TMEM25: variants seen among roughly 807,000 people sequenced by gnomAD.
TMEM25 encodes transmembrane protein 25, also known as 0610039J01Rik.
In TMEM25, 36 loss-of-function variants were observed where a neutral mutation model predicts 37.0. That is an observed-to-expected ratio of 0.97 (90% CI 0.75 to 1.28). TMEM25 has a LOEUF of 1.28. Ranked by LOEUF, TMEM25 falls within the 50% of genes most tolerant of loss-of-function variation. TMEM25 has a pLI of 0.00. For synonymous variants in TMEM25, 197 were observed against 203.7 expected, an observed-to-expected ratio of 0.97 and a Z score of 0.28; for missense variants, 444 against 477.9, an observed-to-expected ratio of 0.93 and a Z score of 0.66.
At chr11:118,545,547 G>A in intron 8 of TMEM25, 1 of 1,456,100 alleles carries the variant, frequency 6.9e-7, no homozygotes. Flanking sequence ...CCGGGAATTA[G>A]AGGCCCTTCT....
chr11:118,546,615 G>A (rs1419643403), downstream of TMEM25: 1 of 159,712 alleles, frequency 6.3e-6, no homozygotes, highest in South Asian at 1.8e-4. Flanking sequence ...CTCAGTCTAT[G>A]GTACTTTGTT....
At chr11:118,543,900 G>T (rs922943258) in intron 8 of TMEM25, among the ~76,000 whole-genome samples, 1 of 151,392 alleles carries the variant, frequency 6.6e-6, no homozygotes, top group Non-Finnish European at 1.5e-5. Flanking sequence ...TCCACCTCAC[G>T]GATTCAAGTG....
At chr11:118,531,275 G>A (rs1290024064) in intron 1 of TMEM25, 41 bp downstream of exon 1, 2 of 361,924 alleles carry the variant, frequency 5.5e-6, no homozygotes, top group Admixed American at 5.1e-5. Flanking sequence ...CGGGATGCTC[G>A]GCGACCCCAC....
intron 8 of TMEM25, chr11:118,545,385 G>A (rs1555066818): frequency 6.5e-7 from 1 of 1,535,106 alleles, no homozygotes; most frequent in African/African-American, 1.4e-5. Context: ...TACAGCTTAA[G>A]TCAACCCCTG....
chr11:118,547,017 A>T (rs782389541), downstream of TMEM25: 14 of 152,224 alleles, frequency 9.2e-5, no homozygotes, highest in Non-Finnish European at 1.9e-4. Flanking sequence ...TATCACTGAT[A>T]TTTCTTCATA....
intron 8 of TMEM25, chr11:118,545,622 C>A: frequency 9.5e-7 from 1 of 1,048,394 alleles, no homozygotes. Context: ...AAATACCCAG[C>A]AGGTAGTCAC....
intron 8 of TMEM25, chr11:118,545,807 A>T (rs782820961): frequency 1.2e-6 from 2 of 1,614,070 alleles, no homozygotes; most frequent in Admixed American, 1.7e-5. Context: ...GATCATGTCA[A>T]TGTACTCTGC....
At chr11:118,532,521 A>G in intron 3 of TMEM25, 60 bp downstream of exon 3, 1 of 1,538,114 alleles carries the variant, frequency 6.5e-7, no homozygotes, top group South Asian at 1.2e-5. Flanking sequence ...CCCAGCACCC[A>G]CCAGGCAGGT....
In TMEM25 at chr11:118,535,535, C is replaced by T; in HGVS notation, c.*955C>T. 4 of 1,535,758 alleles carry T rather than the reference C, an allele frequency of 2.6e-6. No homozygotes were observed. Among genetic ancestry groups the T allele is most frequent in the Non-Finnish European group, 2.6e-6 (3 of 1,146,698 alleles). On this transcript the variant is annotated 3_prime_UTR_variant, in exon 9 of 9. Transcript: ENST00000313236. ...TGTCTCCTCCACCACGGGACCCCAG[C>T]CCTGACCAACCCATGGTTGCCTCAT...
At chr11:118,540,204 G>A (rs1951561136), downstream of TMEM25, among the ~76,000 whole-genome samples, 1 of 151,730 alleles carries the variant, frequency 6.6e-6, no homozygotes. Flanking sequence ...CCGCCTCCCG[G>A]GTTCTTGCCA....
chr11:118,531,850 C>T lies in TMEM25; in HGVS notation c.49C>T (p.Leu17=). Reference sequence around the variant, plus strand: ...CGCCCTCCGGCACACACTGCTGCTCCTGCCAGCCCTTCTGAGCTCAGGTAC... The same window carrying T: ...CGCCCTCCGGCACACACTGCTGCTCTTGCCAGCCCTTCTGAGCTCAGGTAC... ...PAALRHTLLL[L]PALLSSGWGE... The change falls in exon 2 of 9, where the codon CTG becomes TTG. Residue 17 remains leucine (L), a synonymous_variant. Transcript: ENST00000313236. The T allele has an allele frequency of 6.4e-7, 1 of 1,551,626 alleles. No individual in the cohort carries two copies. Among genetic ancestry groups the T allele is most frequent in the Non-Finnish European group, 8.7e-7 (1 of 1,147,004 alleles).
At chr11:118,544,759 G>A (rs2135456508) in intron 8 of TMEM25, 1 of 619,678 alleles carries the variant, frequency 1.6e-6, no homozygotes, top group East Asian at 2.8e-5. Context: ...AAACAAACAT[G>A]TTCTGTGCCC....
At chr11:118,537,076 C>G (rs1951520035), downstream of TMEM25, among the ~76,000 whole-genome samples, 1 of 152,182 alleles carries the variant, frequency 6.6e-6, no homozygotes, top group Admixed American at 6.5e-5. Flanking sequence ...CATGGTGGCT[C>G]ACGCCTGTAA....
At position 118,534,057 on chromosome 11, in the gene TMEM25, G is replaced by A. The variant is rs782658041; in HGVS notation, c.865G>A (p.Val289Met). The A allele has an allele frequency of 8.1e-6, 13 of 1,613,908 alleles. No individual in the cohort carries two copies. Among genetic ancestry groups the A allele is most frequent in the African/African-American group, 6.7e-5 (5 of 74,858 alleles). ...CTCCAACAACCTAAAACTCAACAAC[G>A]TGCGCCTGCCACGGGAGAACATGTC... The part of the protein sequence containing the change: ...SDSNNLKLNN[V>M]RLPRENMSLP... Residue 289 changes from valine to methionine, a missense_variant, in exon 7 of 9, where the codon GTG becomes ATG. Val to Met is a conservative substitution (Grantham distance 21). Transcript: ENST00000313236. The surrounding 1 kb of genome is among the most constrained non-coding windows in gnomAD (Gnocchi z 4.6).
At chr11:118,545,727 G>T (rs368937041) in intron 8 of TMEM25, 319 of 1,498,284 alleles carry the variant, frequency 2.1e-4, no homozygotes, top group Non-Finnish European at 4.2e-5. Flanking sequence ...GAGTAAACAA[G>T]CCTGTCCAAA....
At chr11:118,539,203 C>T (rs1349948521), downstream of TMEM25, among the ~76,000 whole-genome samples, 11 of 125,598 alleles carry the variant, frequency 8.8e-5, no homozygotes, top group Non-Finnish European at 1.4e-4. Flanking sequence ...GAGTCTCGCT[C>T]TGTTGCCAGG....
Position 118,532,974 on chromosome 11 carries a change from T to C in TMEM25, c.440T>C (p.Leu147Pro). The C allele has an allele frequency of 6.2e-7, 1 of 1,614,248 alleles. No homozygotes were observed. The highest frequency in any genetic ancestry group is 8.5e-7 in the Non-Finnish European group (1 of 1,180,038). ...AKYQEAQGPG[L>P]LVVLFALVRA... ...TACCAGGAAGCTCAGGGCCCAGGCC[T>C]CCTGGTTGTCCTGTTTGCCCTGGTG... The change falls in exon 4 of 9, where the codon CTC becomes CCC. Residue 147 changes from leucine (L) to proline (P), a missense_variant. Physicochemically the swap from Leu to Pro is moderately conservative, Grantham distance 98. Transcript: ENST00000313236.
At position 118,533,508 on chromosome 11, in the gene TMEM25, C is replaced by T. The variant is rs1565333888; in HGVS notation, c.762C>T (p.Thr254=). 6.2e-7 allele frequency: 1 copy of T among 1,614,178 alleles called. No homozygotes were observed. The highest frequency in any genetic ancestry group is 8.5e-7 in the Non-Finnish European group (1 of 1,180,006). The change falls in exon 5 of 9, where the codon ACC becomes ACT. Residue 254 remains threonine (T), a synonymous_variant. Transcript: ENST00000313236. ...TGGGCACCCTCGTGGGGTTCAGCAC[C>T]TTGGTGGCCTGCCTGGTCTGCAGAA... ...LALGTLVGFS[T]LVACLVCRKE...
rs78082393 is a variant in TMEM25, at chr11:118,533,645, C to T, written c.805+94C>T. 866 of 1,604,324 alleles carry T rather than the reference C, an allele frequency of 5.4e-4. 3 individuals are homozygous for T. The highest frequency in any genetic ancestry group is 3.9e-3 in the Middle Eastern group (23 of 5,848). On this transcript the variant is annotated intron_variant, in intron 5 of 8. Transcript: ENST00000313236. ...GCTGGGCAGAACCAGTCATCTCTGA[C>T]GGTGGCAGAGCACTTCCAGGGGGTG...
Sources: allele counts gnomAD v4.1 joint callset (sites outside exome capture counted in the v4.1 genomes callset), GRCh38; gene constraint gnomAD v4.1.1; non-coding constraint Gnocchi (gnomAD v3.1); transcripts MANE v1.5; gene names NCBI Gene and HGNC (gene_info 2026-07-23, HGNC 2026-07-21).